The following STXBP5L variants were observed in gnomAD, a reference collection of about 807,000 sequenced individuals.
The protein encoded by STXBP5L is syntaxin-binding protein 5-like.
In STXBP5L, 65 loss-of-function variants were observed where a neutral mutation model predicts 144.5. The observed-to-expected ratio is 0.45, with a 90% CI of 0.37 to 0.55. STXBP5L has a LOEUF of 0.55. Ranked by LOEUF, STXBP5L falls within the 20% of genes least tolerant of loss-of-function variation. The probability of loss-of-function intolerance (pLI) is 0.00; values close to 1 mark genes in which losing one functional copy is unlikely to be tolerated. For missense variants in STXBP5L, 1,298 were observed against 1,405.5 expected (o/e 0.92, Z 1.22); for synonymous variants, 505 against 469.6 (o/e 1.08, Z -0.97).
chr3:121,111,901 G>C (rs1335698853), intron 5 of STXBP5L, among the ~76,000 whole-genome samples: 1 of 152,116 alleles, frequency 6.6e-6, no homozygotes, highest in Non-Finnish European at 1.5e-5. Context: ...GGAGATCAGA[G>C]TTCTGTCTGT....
chr3:121,188,030 A>G (rs2047473949), intron 9 of STXBP5L, among the ~76,000 whole-genome samples: 1 of 152,184 alleles, frequency 6.6e-6, no homozygotes, highest in Admixed American at 6.5e-5. Flanking sequence ...ACCCGGATTC[A>G]TAAAGTAAAT....
intron 18 of STXBP5L, among the ~76,000 whole-genome samples, chr3:121,279,530 T>C (rs2050984814): frequency 6.6e-6 from 1 of 151,902 alleles, no homozygotes. Flanking sequence ...AAGGCCTAGT[T>C]TAAAGAGCGG....
Position 121,115,058 on chromosome 3 carries a change from C to A in STXBP5L, c.604C>A (p.Leu202Ile). 2.5e-6 allele frequency: 4 copies of A among 1,599,920 alleles called. No individual in the cohort carries two copies. The highest frequency in any genetic ancestry group is 3.4e-6 in the Non-Finnish European group (4 of 1,175,446). ...TATCATGTGGAACAAGGCAATTGAA[C>A]TGTAAGTTTGAACTTGGATATCACT... ...YVIMWNKAIE[L>I]STKTHPGPVV... The change falls in exon 6 of 27, where the codon CTA becomes ATA. Residue 202 changes from leucine (L) to isoleucine (I), a missense_variant and splice_region_variant. Leu to Ile is a conservative substitution (Grantham distance 5). Transcript: ENST00000471454.
chr3:121,353,877 A>T (rs140081770), intron 20 of STXBP5L, among the ~76,000 whole-genome samples: 1 of 152,046 alleles, frequency 6.6e-6, no homozygotes. Context: ...ATTCTGGTAC[A>T]TTGTTCTTTG....
At chr3:121,080,692 C>T (rs2042214438) in intron 5 of STXBP5L, among the ~76,000 whole-genome samples, 1 of 152,202 alleles carries the variant, frequency 6.6e-6, no homozygotes, top group African/African-American at 2.4e-5. Flanking sequence ...TGTAAGGTTT[C>T]TGCTGACAAA....
intron 3 of STXBP5L, among the ~76,000 whole-genome samples, chr3:121,027,856 A>G (rs1174515256): frequency 6.6e-6 from 1 of 151,964 alleles, no homozygotes; most frequent in Non-Finnish European, 1.5e-5. Flanking sequence ...TACCTACTAC[A>G]CTGATAGTCA....
chr3:121,093,381 G>A lies in STXBP5L; in HGVS notation c.471-21544G>A, dbSNP rs1195316687. Reference sequence around the variant, plus strand: ...CCTCCTTGTACCTCTGATAGAATTCGGCTGTGAATCCATCTGGTCCTGGAC... The same window carrying A: ...CCTCCTTGTACCTCTGATAGAATTCAGCTGTGAATCCATCTGGTCCTGGAC... On this transcript the variant is annotated intron_variant, in intron 5 of 26. Coordinates refer to ENST00000471454, the MANE Select transcript of STXBP5L (RefSeq NM_001308330.2). Among the ~76,000 whole-genome samples the A allele has an allele frequency of 2.0e-4, 30 of 152,168 alleles. No individual in the cohort carries two copies. In the East Asian group the frequency reaches 3.3e-3, roughly 17 times the overall value.
At chr3:120,998,131 G>T (rs908436471) in intron 3 of STXBP5L, among the ~76,000 whole-genome samples, 2 of 152,112 alleles carry the variant, frequency 1.3e-5, no homozygotes, top group African/African-American at 4.8e-5. Context: ...ACATCATACT[G>T]AATGGGCAAT....
chr3:121,276,633 A>T (rs1003618057), intron 18 of STXBP5L, among the ~76,000 whole-genome samples: 4 of 151,646 alleles, frequency 2.6e-5, no homozygotes. Context: ...TTAGGTTGAC[A>T]TTATTTTTAT....
intron 9 of STXBP5L, among the ~76,000 whole-genome samples, chr3:121,175,159 C>T (rs2046883727): frequency 6.6e-6 from 1 of 152,058 alleles, no homozygotes; most frequent in Non-Finnish European, 1.5e-5. Context: ...ACAATAGATA[C>T]AACTGGACAA....
At chr3:121,062,947 A>T (rs2041357001) in intron 5 of STXBP5L, among the ~76,000 whole-genome samples, 2 of 152,166 alleles carry the variant, frequency 1.3e-5, no homozygotes, top group African/African-American at 4.8e-5. Flanking sequence ...GCATTGGGTT[A>T]AAACATGCTC....
chr3:121,021,495 C>A (rs986544404), intron 3 of STXBP5L, among the ~76,000 whole-genome samples: 1 of 152,082 alleles, frequency 6.6e-6, no homozygotes, highest in Non-Finnish European at 1.5e-5. Flanking sequence ...GAACATTCTC[C>A]AAGAAAGACC....
intron 10 of STXBP5L, among the ~76,000 whole-genome samples, chr3:121,213,670 TTTGTTG>T (rs3072494): frequency 1.3e-5 from 2 of 151,546 alleles, no homozygotes; most frequent in East Asian, 1.9e-4. Flanking sequence ...GGCCTGAAAT[TTTGTTG>T]TTGTTGTTGT....
intron 5 of STXBP5L, among the ~76,000 whole-genome samples, chr3:121,090,245 A>G (rs954638780): frequency 6.6e-6 from 1 of 152,066 alleles, no homozygotes; most frequent in Non-Finnish European, 1.5e-5. Flanking sequence ...ATGTTGTGTT[A>G]TTAATGATAG....
intron 5 of STXBP5L, among the ~76,000 whole-genome samples, chr3:121,093,797 T>G (rs2042959917): frequency 2.0e-5 from 3 of 152,250 alleles, no homozygotes; most frequent in Admixed American, 2.0e-4. Context: ...TTTTAGTTAT[T>G]TCTTGCCTTC....
At chr3:121,209,645 A>G (rs1373489767) in intron 10 of STXBP5L, among the ~76,000 whole-genome samples, 4 of 150,768 alleles carry the variant, frequency 2.7e-5, no homozygotes, top group Non-Finnish European at 5.9e-5. Context: ...AAGTGTTCTC[A>G]TTGTTCAATT....
intron 7 of STXBP5L, among the ~76,000 whole-genome samples, chr3:121,141,431 C>G (rs1163579712): frequency 6.6e-6 from 1 of 151,856 alleles, no homozygotes; most frequent in Admixed American, 6.6e-5. Context: ...AAACTTATTG[C>G]TAAGGGTAAA....
intron 18 of STXBP5L, among the ~76,000 whole-genome samples, chr3:121,278,550 G>C (rs989696469): frequency 6.6e-6 from 1 of 151,672 alleles, no homozygotes; most frequent in African/African-American, 2.4e-5. Flanking sequence ...AAAAGTTTAA[G>C]GATACTAATT....
chr3:121,366,532 C>T (rs138266106), intron 20 of STXBP5L, among the ~76,000 whole-genome samples: 11 of 151,972 alleles, frequency 7.2e-5, no homozygotes, highest in Middle Eastern at 3.4e-3. Flanking sequence ...AATTTAAAGA[C>T]CATTTTGTCT....
Sources: gnomAD v4.1 joint callset for allele counts (sites outside exome capture counted in the v4.1 genomes callset) on GRCh38, gnomAD v4.1.1 for gene constraint, MANE v1.5 for transcripts, NCBI Gene and HGNC (gene_info 2026-07-23, HGNC 2026-07-21) for gene names.